The following PREX2 variants were observed in gnomAD, a reference collection of about 807,000 sequenced individuals.
PREX2 encodes phosphatidylinositol-3,4,5-trisphosphate dependent Rac exchange factor 2, also known as phosphatidylinositol 3,4,5-trisphosphate-dependent Rac exchanger 2 protein.
In PREX2, 107 loss-of-function variants were observed where a neutral mutation model predicts 203.2. The observed-to-expected ratio is 0.53, with a 90% CI of 0.45 to 0.62. The LOEUF is 0.62. Ranked by LOEUF, PREX2 falls within the 20% of genes least tolerant of loss-of-function variation. The pLI is 0.00. For synonymous variants in PREX2, 672 were observed against 663.6 expected, an observed-to-expected ratio of 1.01 and a Z score of -0.19; for missense variants, 1,777 against 1,955.9, an observed-to-expected ratio of 0.91 and a Z score of 1.72.
intron 24 of PREX2, 100 bp from the exon 25 acceptor site, chr8:68,109,316 T>C (rs1810485238): frequency 2.4e-6 from 2 of 839,338 alleles, no homozygotes; most frequent in Admixed American, 5.6e-5. Context: ...TACATATAAT[T>C]TTATCTGTCA....
chr8:68,157,051 T>A (rs1811555484), intron 34 of PREX2, among the ~76,000 whole-genome samples: 1 of 152,164 alleles, frequency 6.6e-6, no homozygotes, highest in Non-Finnish European at 1.5e-5. Context: ...TATTTTGGGC[T>A]CCCACAACAT....
intron 1 of PREX2, among the ~76,000 whole-genome samples, chr8:67,992,650 G>A (rs923529224): frequency 2.0e-5 from 3 of 152,196 alleles, no homozygotes; most frequent in Non-Finnish European, 2.9e-5. Context: ...GCAGTGTGTT[G>A]CGAGAAACAT....
Position 68,037,119 on chromosome 8 carries a change from T to C in PREX2, c.706-1040T>C, listed in dbSNP as rs761506856. Among the ~76,000 whole-genome samples, 67 of 152,286 alleles carry C rather than the reference T, an allele frequency of 4.4e-4. 2 individuals carry two copies. The highest frequency in any genetic ancestry group is 6.8e-3 in the Middle Eastern group (2 of 294). On this transcript the variant is annotated intron_variant, in intron 6 of 39. Coordinates refer to ENST00000288368, the MANE Select transcript of PREX2 (RefSeq NM_024870.4). ...AATTGACCAGAGAAACTATTATCAG[T>C]GATTATTGTGGAAATATGAAATTTA...
chr8:68,176,734 G>T (rs924018889), intron 35 of PREX2: 1 of 152,060 alleles, frequency 6.6e-6, no homozygotes, highest in Admixed American at 6.6e-5. Context: ...GAGTTTTTCG[G>T]CAGAGCAACT....
intron 35 of PREX2, among the ~76,000 whole-genome samples, chr8:68,188,277 T>TGAGA (rs1251543749): frequency 6.6e-6 from 1 of 151,570 alleles, no homozygotes; most frequent in African/African-American, 2.4e-5. Context: ...AAGAGGATGA[T>TGAGA]GAGAGAGAGA....
intron 31 of PREX2, among the ~76,000 whole-genome samples, chr8:68,128,208 T>C (rs977710875): frequency 6.6e-6 from 1 of 152,194 alleles, no homozygotes; most frequent in Non-Finnish European, 1.5e-5. Flanking sequence ...TATATAGATA[T>C]GTTGAATGAG....
chr8:68,133,642 T>C (rs1444015467), intron 31 of PREX2, among the ~76,000 whole-genome samples: 1 of 152,210 alleles, frequency 6.6e-6, no homozygotes, highest in Non-Finnish European at 1.5e-5. Context: ...ATTGTATTAA[T>C]AATATTGTAT....
chr8:67,978,012 A>C (rs547575622), intron 1 of PREX2, among the ~76,000 whole-genome samples: 3 of 152,270 alleles, frequency 2.0e-5, no homozygotes, highest in Admixed American at 2.0e-4. Context: ...AGGAAGGGTG[A>C]GGGGAACCCC....
chr8:68,130,554 T>C (rs1163693036), intron 31 of PREX2, among the ~76,000 whole-genome samples: 1 of 152,216 alleles, frequency 6.6e-6, no homozygotes, highest in Non-Finnish European at 1.5e-5. Flanking sequence ...CTACACCACT[T>C]TACTTTGTTA....
At position 68,204,348 on chromosome 8, in the gene PREX2, C is replaced by A. The variant is rs188302769; in HGVS notation, c.4604+11823C>A. Among the ~76,000 whole-genome samples, 328 of 152,212 alleles carry A rather than the reference C, an allele frequency of 2.2e-3. 2 individuals carry two copies. Among genetic ancestry groups the A allele is most frequent in the Non-Finnish European group, 8.7e-4 (59 of 68,010 alleles). ...AGGGATGTGGAATGTTTTTGCTTGG[C>A]AGTTGATTTTTAAGCTTAGTTTAAA... On this transcript the variant is annotated intron_variant, in intron 37 of 39. Coordinates refer to ENST00000288368, the MANE Select transcript of PREX2 (RefSeq NM_024870.4).
chr8:68,173,374 T>C (rs962501883), intron 35 of PREX2, among the ~76,000 whole-genome samples: 2 of 152,306 alleles, frequency 1.3e-5, no homozygotes, highest in East Asian at 3.9e-4. Context: ...TCAGATAAAG[T>C]TGAAATTGTA....
chr8:68,192,950 G>C (rs1812326901), intron 37 of PREX2, among the ~76,000 whole-genome samples: 1 of 152,172 alleles, frequency 6.6e-6, no homozygotes, highest in Non-Finnish European at 1.5e-5. Context: ...GCTGCTTGGA[G>C]TTGCAACTGC....
chr8:68,138,956 C>T (rs1300902971), intron 33 of PREX2, among the ~76,000 whole-genome samples: 1 of 152,052 alleles, frequency 6.6e-6, no homozygotes, highest in African/African-American at 2.4e-5. Context: ...ATAAGGACTC[C>T]ATACATTTTC....
At chr8:67,992,401 A>C (rs1806636160) in intron 1 of PREX2, among the ~76,000 whole-genome samples, 1 of 152,186 alleles carries the variant, frequency 6.6e-6, no homozygotes, top group Admixed American at 6.5e-5. Context: ...TGAGAAGTGT[A>C]ATTAACATTT....
intron 23 of PREX2, chr8:68,105,220 G>A (rs768260775): frequency 3.3e-5 from 45 of 1,367,640 alleles, no homozygotes; most frequent in Non-Finnish European, 4.3e-5. Flanking sequence ...AGTGTAAGCA[G>A]CACATTTCCA....
intron 11 of PREX2, among the ~76,000 whole-genome samples, chr8:68,062,439 A>T (rs1250196036): frequency 1.3e-5 from 2 of 152,208 alleles, no homozygotes; most frequent in African/African-American, 4.8e-5. Flanking sequence ...ATCCGATGAG[A>T]TAAGGCCCCT....
intron 33 of PREX2, among the ~76,000 whole-genome samples, chr8:68,139,314 G>A (rs1220006093): frequency 6.6e-6 from 1 of 152,068 alleles, no homozygotes; most frequent in East Asian, 1.9e-4. Flanking sequence ...AGGGAGTAAT[G>A]GCGATATCGG....
intron 17 of PREX2, among the ~76,000 whole-genome samples, chr8:68,081,082 C>T (rs1310782538): frequency 2.0e-5 from 3 of 152,072 alleles, no homozygotes; most frequent in Admixed American, 6.6e-5. Flanking sequence ...CTATAGCAGC[C>T]GTCCCCAACC....
intron 35 of PREX2, among the ~76,000 whole-genome samples, chr8:68,173,400 C>T (rs1024567535): frequency 1.3e-5 from 2 of 152,106 alleles, no homozygotes; most frequent in Admixed American, 6.6e-5. Flanking sequence ...ACTTTGAAAA[C>T]AATATATATC....
Sources: allele counts gnomAD v4.1 joint callset (sites outside exome capture counted in the v4.1 genomes callset), GRCh38; gene constraint gnomAD v4.1.1; transcripts MANE v1.5; gene names NCBI Gene and HGNC (gene_info 2026-07-23, HGNC 2026-07-21).